Variants in MYO3B observed in about 807,000 individuals in gnomAD.
The protein encoded by MYO3B is myosin IIIB.
Under a neutral mutation model 174.6 loss-of-function variants are expected in MYO3B, and 156 were observed. The ratio of observed to expected loss-of-function variants is 0.89; its 90% CI spans 0.78 to 1.02. The LOEUF (loss-of-function observed/expected upper bound fraction) is 1.02, where lower values mean the gene tolerates loss of function less well. Ranked by LOEUF, MYO3B falls within the 50% of genes least tolerant of loss-of-function variation. MYO3B has a pLI of 0.00. For missense variants in MYO3B, 1,632 were observed against 1,639.4 expected, an observed-to-expected ratio of 1.00 and a Z score of 0.08; for synonymous variants, 563 against 569.1, an observed-to-expected ratio of 0.99 and a Z score of 0.15.
chr2:170,328,497 C>T lies in MYO3B; in HGVS notation c.750-6888C>T, dbSNP rs77620867. 5.2e-3 allele frequency among the ~76,000 whole-genome samples: 787 copies of T among 151,998 alleles called. 5 individuals carry two copies. Among genetic ancestry groups the T allele is most frequent in the East Asian group, 0.017 (86 of 5,184 alleles). On this transcript the variant is annotated intron_variant, in intron 7 of 34. Coordinates refer to ENST00000408978, the MANE Select transcript of MYO3B (RefSeq NM_138995.5). Reference sequence around the variant, plus strand: ...CTGAAATTGCTCACTGAGCCACCCCCAGAAGATGCGGCAGTATATTCTCTC... The same window carrying T: ...CTGAAATTGCTCACTGAGCCACCCCTAGAAGATGCGGCAGTATATTCTCTC...
chr2:170,211,954 A>T (rs1417422136), intron 3 of MYO3B, among the ~76,000 whole-genome samples: 1 of 152,096 alleles, frequency 6.6e-6, no homozygotes, highest in African/African-American at 2.4e-5. Flanking sequence ...AAAAAAAAAA[A>T]AAAAGCCAGC....
chr2:170,581,521 A>G (rs1353041133), intron 32 of MYO3B, among the ~76,000 whole-genome samples: 1 of 152,160 alleles, frequency 6.6e-6, no homozygotes, highest in African/African-American at 2.4e-5. Context: ...TGCCTTAAGA[A>G]GTCTTTCCTC....
At chr2:170,403,075 T>G in intron 19 of MYO3B, 80 bp downstream of exon 19, 1 of 1,378,756 alleles carries the variant, frequency 7.3e-7, no homozygotes, top group Non-Finnish European at 9.8e-7. Context: ...GCAGAAACCC[T>G]GTAGACTAAC....
intron 32 of MYO3B, among the ~76,000 whole-genome samples, chr2:170,613,512 A>G (rs993022764): frequency 6.6e-6 from 1 of 152,174 alleles, no homozygotes; most frequent in Non-Finnish European, 1.5e-5. Context: ...TCACAAAATC[A>G]TCATCTCTAG....
At chr2:170,538,409 T>G (rs974348134) in intron 30 of MYO3B, among the ~76,000 whole-genome samples, 2 of 152,152 alleles carry the variant, frequency 1.3e-5, no homozygotes, top group Non-Finnish European at 2.9e-5. Flanking sequence ...ACTGACAAAT[T>G]GAATTTTGGA....
chr2:170,601,859 CGCT>C, intron 32 of MYO3B: 1 of 888,474 alleles, frequency 1.1e-6, no homozygotes, highest in Non-Finnish European at 1.8e-6. Context: ...TTTGCAACAT[CGCT>C]AATAGGCAGG....
At chr2:170,467,774 A>G (rs1266183597) in intron 25 of MYO3B, among the ~76,000 whole-genome samples, 1 of 149,502 alleles carries the variant, frequency 6.7e-6, no homozygotes, top group Admixed American at 6.7e-5. Flanking sequence ...TTGCTTTGTC[A>G]CGTCTCCCAA....
intron 7 of MYO3B, among the ~76,000 whole-genome samples, chr2:170,330,740 C>A (rs575890145): frequency 6.6e-6 from 1 of 152,176 alleles, no homozygotes; most frequent in African/African-American, 2.4e-5. Flanking sequence ...GACCTGGCGA[C>A]ATTTGGGCTT....
intron 22 of MYO3B, among the ~76,000 whole-genome samples, chr2:170,413,846 TAGCTA>T (rs2094561281): frequency 6.6e-6 from 1 of 151,992 alleles, no homozygotes; most frequent in African/African-American, 2.4e-5. Flanking sequence ...AAGACCATCC[TAGCTA>T]ACATAGTGAA....
chr2:170,383,425 G>T lies in MYO3B; in HGVS notation c.1185+236G>T, dbSNP rs375444360. ...CGTGCTTACTGCGTGTTAGACACTG[G>T]GTTATCTCACTTTTTCACACCCTGT... On this transcript the variant is annotated intron_variant, in intron 11 of 34. Coordinates refer to ENST00000408978, the MANE Select transcript of MYO3B (RefSeq NM_138995.5). 6.9e-4 allele frequency among the ~76,000 whole-genome samples: 105 copies of T among 152,260 alleles called. No homozygotes were observed. In the South Asian group the frequency reaches 0.022, roughly 31 times the overall value.
rs528708673 is a variant in MYO3B at position 170,573,221 on chromosome 2, C to CTG, written c.3733+29239_3733+29240dup. On this transcript the variant is annotated intron_variant, in intron 32 of 34. Coordinates refer to ENST00000408978, the MANE Select transcript of MYO3B (RefSeq NM_138995.5). Reference sequence around the variant, plus strand: ...CATATGTAATAAACATATATGTATACTGTGTGTATATATATATATATATAT... The same window carrying CTG: ...CATATGTAATAAACATATATGTATACTGTGTGTGTATATATATATATATATAT... 1.6e-3 allele frequency among the ~76,000 whole-genome samples: 147 copies of CTG among 89,844 alleles called. 1 individual carries two copies. The highest frequency in any genetic ancestry group is 9.4e-3 in the East Asian group (35 of 3,710). The allele number at this position is 89,844 out of a possible 152,430, so 58.9% of individuals were successfully genotyped here. A position where few individuals can be genotyped will look rare whatever the true frequency, so the allele number is the denominator to read the frequency against.
rs567142587 is a variant in MYO3B, at chr2:170,538,799, C to T, written c.3576-4107C>T. On this transcript the variant is annotated intron_variant, in intron 30 of 34. Transcript: ENST00000408978. ...TGAGACTTTAGTTATGCTTCCAAGA[C>T]GCCAATGGAGCCCTAGAAATATGTG... 2.0e-4 allele frequency among the ~76,000 whole-genome samples: 31 copies of T among 152,278 alleles called. No individual in the cohort carries two copies. The East Asian group carries it at 3.1e-3, about 15-fold the overall frequency.
Position 170,542,942 on chromosome 2 carries a change from T to A in MYO3B, c.3612T>A (p.Asp1204Glu). 6.2e-7 allele frequency: 1 copy of A among 1,610,540 alleles called. No homozygotes were observed. Among genetic ancestry groups the A allele is most frequent in the Non-Finnish European group, 8.5e-7 (1 of 1,178,038 alleles). ...SQAQSSPKGC[D>E]IFAGHANKHS... ...CCCAGAGTTCTCCAAAAGGGTGCGA[T>A]ATCTTCGCAGGACATGCAAACAAGG... Residue 1204 changes from aspartate (D) to glutamate (E), a missense_variant, in exon 31 of 35, where the codon GAT becomes GAA. By Grantham distance (45) the Asp-to-Glu change is conservative (BLOSUM62 2). Coordinates refer to ENST00000408978, the MANE Select transcript of MYO3B (RefSeq NM_138995.5).
Position 170,401,498 on chromosome 2 carries a change from A to C in MYO3B, c.1936A>C (p.Ile646Leu), listed in dbSNP as rs753877011. 10 of 1,613,896 alleles carry C rather than the reference A, an allele frequency of 6.2e-6. No individual in the cohort carries two copies. The African/African-American group carries it at 9.3e-5, about 15-fold the overall frequency. The change falls in exon 18 of 35, where the codon ATT (isoleucine) becomes CTT (leucine). Residue 646 changes from isoleucine (I) to leucine (L), a missense_variant. Ile to Leu is a conservative substitution (Grantham distance 5). Transcript: ENST00000408978. Reference protein sequence around the residue: ...ALQNAASVLCISPEELQEALT... With the variant: ...ALQNAASVLCLSPEELQEALT... Reference sequence around the variant, plus strand: ...TGTTTCAGCTGCCTCTGTTCTGTGCATTAGCCCTGAAGAGCTCCAGGAGGC... The same window carrying C: ...TGTTTCAGCTGCCTCTGTTCTGTGCCTTAGCCCTGAAGAGCTCCAGGAGGC...
At chr2:170,391,425 C>T in intron 14 of MYO3B, 95 bp from the exon 15 acceptor site, 2 of 574,518 alleles carry the variant, frequency 3.5e-6, no homozygotes, top group Non-Finnish European at 5.9e-6. Context: ...ACAAATTTGC[C>T]ATGGAATAAT....
intron 32 of MYO3B, among the ~76,000 whole-genome samples, chr2:170,546,878 A>T (rs1049804331): frequency 6.6e-6 from 1 of 152,184 alleles, no homozygotes; most frequent in Non-Finnish European, 1.5e-5. Flanking sequence ...GTGAGGCCTA[A>T]CTTCGTTATT....
chr2:170,483,241 G>A (rs551529682), intron 25 of MYO3B, among the ~76,000 whole-genome samples: 1 of 152,298 alleles, frequency 6.6e-6, no homozygotes, highest in African/African-American at 2.4e-5. Flanking sequence ...TCAGTTGTAG[G>A]AAAGAAGAAA....
At chr2:170,288,824 TAG>T (rs2093575819) in intron 7 of MYO3B, among the ~76,000 whole-genome samples, 1 of 151,850 alleles carries the variant, frequency 6.6e-6, no homozygotes, top group African/African-American at 2.4e-5. Context: ...GAAAGCTTTT[TAG>T]TACAATGTTA....
At chr2:170,199,165 G>A (rs1317891594) in intron 1 of MYO3B, 43 bp from the exon 2 acceptor site, 2 of 1,397,992 alleles carry the variant, frequency 1.4e-6, no homozygotes, top group African/African-American at 1.4e-5. Context: ...ACTGCCCCCA[G>A]TTCTGTGATC....
Sources: gnomAD v4.1 joint callset for allele counts (sites outside exome capture counted in the v4.1 genomes callset) on GRCh38, gnomAD v4.1.1 for gene constraint, MANE v1.5 for transcripts, NCBI Gene and HGNC (gene_info 2026-07-23, HGNC 2026-07-21) for gene names.